The following SRPK2 variants were observed in gnomAD, a reference collection of about 807,000 sequenced individuals.
SRPK2 encodes the protein SFRS protein kinase 2.
SRPK2 carries 21 observed loss-of-function variants against 90.8 expected under a neutral mutation model. That is an observed-to-expected ratio of 0.23 (90% CI 0.16 to 0.33). SRPK2 has a LOEUF of 0.33. SRPK2 is among the 10% of genes least tolerant of loss of function. The probability of loss-of-function intolerance (pLI) is 1.00; values close to 1 mark genes in which losing one functional copy is unlikely to be tolerated. For missense variants in SRPK2, 620 were observed against 869.0 expected (o/e 0.71, Z 3.60); for synonymous variants, 288 against 311.1 (o/e 0.93, Z 0.78).
At chr7:105,174,697 A>T (rs535189571) in intron 3 of SRPK2, among the ~76,000 whole-genome samples, 14 of 152,364 alleles carry the variant, frequency 9.2e-5, no homozygotes, top group African/African-American at 3.1e-4. Context: ...AAAATCAGTA[A>T]GGATATGGAA....
At chr7:105,168,228 G>A (rs1033764970) in intron 4 of SRPK2, 133 bp from the exon 5 acceptor site, 1 of 662,772 alleles carries the variant, frequency 1.5e-6, no homozygotes, top group Non-Finnish European at 2.6e-6. Flanking sequence ...CATTATGAGT[G>A]TGTCAACACG....
chr7:105,144,413 G>C (rs1172376414), intron 9 of SRPK2, among the ~76,000 whole-genome samples: 3 of 151,660 alleles, frequency 2.0e-5, no homozygotes, highest in African/African-American at 4.8e-5. Flanking sequence ...GCTAGTTTTT[G>C]CATTTTTGGT....
At chr7:105,182,747 C>T (rs1793048594) in intron 3 of SRPK2, among the ~76,000 whole-genome samples, 1 of 152,124 alleles carries the variant, frequency 6.6e-6, no homozygotes. Context: ...GGATTACAGG[C>T]GTGAGCCACA....
chr7:105,299,890 T>C (rs1810317868), intron 2 of SRPK2, among the ~76,000 whole-genome samples: 1 of 151,416 alleles, frequency 6.6e-6, no homozygotes, highest in Non-Finnish European at 1.5e-5. Context: ...AGAGACTCCA[T>C]CTCAAAAAAG....
chr7:105,124,013 C>T (rs1800772119), intron 15 of SRPK2, among the ~76,000 whole-genome samples: 2 of 152,224 alleles, frequency 1.3e-5, no homozygotes, highest in Admixed American at 6.5e-5. Flanking sequence ...CCTAAGTATA[C>T]GTGGTGATGA....
rs2299323 is a variant in SRPK2, at chr7:105,242,811, G to C, written c.72-39026C>G. ...TCACCATTGAGTCTCGAGGCAAGCC[G>C]GATCTCCAATCCTTAAAGTGACCTC... On this transcript the variant is annotated intron_variant, in intron 2 of 15. Transcript: ENST00000393651. Among the ~76,000 whole-genome samples, 4 of 152,104 alleles carry C rather than the reference G, an allele frequency of 2.6e-5. No individual in the cohort carries two copies. The East Asian group carries it at 7.7e-4, about 29-fold the overall frequency.
rs143956894 is a variant in SRPK2 at position 105,316,229 on chromosome 7, G to C, written c.71+72419C>G. 1.7e-3 allele frequency among the ~76,000 whole-genome samples: 255 copies of C among 152,180 alleles called. 1 individual carries two copies. The highest frequency in any genetic ancestry group is 5.0e-3 in the African/African-American group (207 of 41,544). ...TAGTAGAGACTCAGCCTCCCAAAAT[G>C]CTGGGATTACAGGCGAGAGCCACCG... On this transcript the variant is annotated intron_variant, in intron 2 of 15. Transcript: ENST00000393651.
chr7:105,262,456 T>C (rs1368827980), intron 2 of SRPK2, among the ~76,000 whole-genome samples: 1 of 152,142 alleles, frequency 6.6e-6, no homozygotes, highest in East Asian at 1.9e-4. Flanking sequence ...CGGCTAAGCA[T>C]CAAAAACTGC....
intron 3 of SRPK2, among the ~76,000 whole-genome samples, chr7:105,201,036 G>C (rs1031544890): frequency 2.0e-5 from 3 of 152,140 alleles, no homozygotes; most frequent in African/African-American, 7.2e-5. Context: ...AGTATTCAGG[G>C]ATGATAAAAC....
intron 13 of SRPK2, among the ~76,000 whole-genome samples, chr7:105,128,045 A>G (rs966240241): frequency 6.6e-6 from 1 of 152,218 alleles, no homozygotes; most frequent in Non-Finnish European, 1.5e-5. Flanking sequence ...ATGACCACAC[A>G]GTGCTGGAAA....
At chr7:105,292,804 T>C (rs1563202125) in intron 2 of SRPK2, among the ~76,000 whole-genome samples, 1 of 152,234 alleles carries the variant, frequency 6.6e-6, no homozygotes, top group Non-Finnish European at 1.5e-5. Flanking sequence ...AAGTTTTCCT[T>C]AAACCATCTA....
upstream of SRPK2, among the ~76,000 whole-genome samples, chr7:105,393,919 T>C (rs182108564): frequency 7.3e-5 from 11 of 151,552 alleles, no homozygotes; most frequent in East Asian, 1.2e-3. Context: ...ACCTGAGCAA[T>C]AGAGCAAGAC....
rs573059606 is a variant in SRPK2, at chr7:105,139,917, G to T, written c.1543+2091C>A. Among the ~76,000 whole-genome samples, 8 of 152,032 alleles carry T rather than the reference G, an allele frequency of 5.3e-5. No individual in the cohort carries two copies. In the South Asian group the frequency reaches 1.5e-3, roughly 28 times the overall value. On this transcript the variant is annotated intron_variant, in intron 11 of 15. Coordinates refer to ENST00000393651, the MANE Select transcript of SRPK2 (RefSeq NM_182692.3). ...ATGCAGGTGCCTCTCGGTGTCTGCA[G>T]GGGAACTGGTTCCAGGACATCCTGA...
chr7:105,137,235 G>C lies in SRPK2; in HGVS notation c.1544-4131C>G, dbSNP rs114136004. Among the ~76,000 whole-genome samples, 510 of 152,254 alleles carry C rather than the reference G, an allele frequency of 3.3e-3. 4 individuals are homozygous for C. Among genetic ancestry groups the C allele is most frequent in the African/African-American group, 0.012 (490 of 41,530 alleles). ...GTGTGAACGGTGTAGAATGAATTAG[G>C]GAAACAGAGAATGGGTCTGGAGCAG... On this transcript the variant is annotated intron_variant, in intron 11 of 15. Transcript: ENST00000393651.
At position 105,167,472 on chromosome 7, in the gene SRPK2, A is replaced by G; in HGVS notation, c.427-8T>C. 6.2e-7 allele frequency: 1 copy of G among 1,610,990 alleles called. No homozygotes were observed. Among genetic ancestry groups the G allele is most frequent in the Non-Finnish European group, 8.5e-7 (1 of 1,177,426 alleles). On this transcript the variant is annotated splice_region_variant and splice_polypyrimidine_tract_variant and intron_variant, in intron 5 of 15. Transcript: ENST00000393651. ...GGGATCACTTTCTCGAACCTATGCCAAGAAAAATGAATGCAAGAACACAGG... is the reference window on the plus strand; with the variant it reads ...GGGATCACTTTCTCGAACCTATGCCGAGAAAAATGAATGCAAGAACACAGG...
intron 7 of SRPK2, among the ~76,000 whole-genome samples, chr7:105,157,822 T>A (rs1179220128): frequency 6.6e-6 from 1 of 151,996 alleles, no homozygotes; most frequent in Admixed American, 6.6e-5. Flanking sequence ...CCTAGCAACT[T>A]TGGGAGGCTG....
chr7:105,133,865 T>C (rs1322784465), intron 11 of SRPK2, among the ~76,000 whole-genome samples: 1 of 152,016 alleles, frequency 6.6e-6, no homozygotes, highest in Non-Finnish European at 1.5e-5. Context: ...CAAAGGCAGG[T>C]ATAGGGCCAG....
At chr7:105,185,012 T>C (rs1793388981) in intron 3 of SRPK2, among the ~76,000 whole-genome samples, 2 of 152,180 alleles carry the variant, frequency 1.3e-5, no homozygotes, top group South Asian at 4.1e-4. Flanking sequence ...ATAAAGAACA[T>C]GAGCTTGAGT....
At chr7:105,311,119 T>C (rs551486134) in intron 2 of SRPK2, among the ~76,000 whole-genome samples, 1 of 151,240 alleles carries the variant, frequency 6.6e-6, no homozygotes, top group South Asian at 2.1e-4. Context: ...ACCTACAGAA[T>C]GAAAAAAAAT....
Sources: allele counts gnomAD v4.1 joint callset (sites outside exome capture counted in the v4.1 genomes callset), GRCh38; gene constraint gnomAD v4.1.1; transcripts MANE v1.5; gene names NCBI Gene and HGNC (gene_info 2026-07-23, HGNC 2026-07-21).